Variants in FARS2 observed in about 807,000 individuals in gnomAD.
FARS2 encodes phenylalanine--tRNA ligase, mitochondrial.
Under a neutral mutation model 46.4 loss-of-function variants are expected in FARS2, and 40 were observed. The ratio of observed to expected loss-of-function variants is 0.86; its 90% confidence interval spans 0.67 to 1.12. The LOEUF is 1.12. Among genes scored for constraint, FARS2 ranks in the 50% most tolerant of loss-of-function variants. FARS2 has a pLI of 0.00. For synonymous variants in FARS2, 234 were observed against 214.9 expected (o/e 1.09, Z -0.78); for missense variants, 513 against 567.9 (o/e 0.90, Z 0.98).
At chr6:5,312,321 G>T (rs1343381750) in intron 1 of FARS2, among the ~76,000 whole-genome samples, 2 of 152,168 alleles carry the variant, frequency 1.3e-5, no homozygotes, top group Non-Finnish European at 2.9e-5. Flanking sequence ...TTATGTCTGT[G>T]TAGTATTTTT....
intron 6 of FARS2, among the ~76,000 whole-genome samples, chr6:5,685,052 C>T (rs1757086160): frequency 6.6e-6 from 1 of 152,086 alleles, no homozygotes; most frequent in African/African-American, 2.4e-5. Flanking sequence ...CCCATGGAGG[C>T]TCATGATATC....
At chr6:5,569,919 T>C (rs1047996408) in intron 5 of FARS2, among the ~76,000 whole-genome samples, 3 of 151,610 alleles carry the variant, frequency 2.0e-5, no homozygotes, top group Non-Finnish European at 2.9e-5. Context: ...TTAACAGGGG[T>C]TGGGGAGAGA....
intron 6 of FARS2, among the ~76,000 whole-genome samples, chr6:5,618,948 C>T (rs1402519742): frequency 6.6e-6 from 1 of 152,230 alleles, no homozygotes; most frequent in Non-Finnish European, 1.5e-5. Context: ...CCCTCCATCA[C>T]ATTTGTAATA....
chr6:5,543,391 T>TTTC (rs1478034092), intron 4 of FARS2, among the ~76,000 whole-genome samples: 2 of 151,646 alleles, frequency 1.3e-5, no homozygotes, highest in East Asian at 3.9e-4. Flanking sequence ...TTTTTTTTTT[T>TTTC]TCTCACTCTG....
chr6:5,449,962 C>T (rs551727338), intron 4 of FARS2, among the ~76,000 whole-genome samples: 6 of 152,342 alleles, frequency 3.9e-5, no homozygotes, highest in African/African-American at 1.4e-4. Context: ...TCTGCACATA[C>T]TCAAGTCCTG....
At chr6:5,768,401 A>C (rs1762857704) in intron 6 of FARS2, among the ~76,000 whole-genome samples, 1 of 152,206 alleles carries the variant, frequency 6.6e-6, no homozygotes, top group South Asian at 2.1e-4. Context: ...TTTTCTGAGC[A>C]CATAGAAATA....
chr6:5,547,624 C>G (rs1465401703), intron 5 of FARS2, among the ~76,000 whole-genome samples: 1 of 152,202 alleles, frequency 6.6e-6, no homozygotes, highest in Non-Finnish European at 1.5e-5. Flanking sequence ...CATCCACTTA[C>G]CAGCTTCTTC....
At chr6:5,251,401 T>A in the FARS2 span, among the ~76,000 whole-genome samples, 1 of 152,174 alleles carries the variant, frequency 6.6e-6, no homozygotes, top group Non-Finnish European at 1.5e-5. Flanking sequence ...TGGCTCACAG[T>A]TCTGCAGGCT....
chr6:5,381,731 A>G (rs1455183273), intron 2 of FARS2, among the ~76,000 whole-genome samples: 4 of 152,224 alleles, frequency 2.6e-5, no homozygotes, highest in African/African-American at 7.2e-5. Context: ...AGTTAGCTAT[A>G]GGAAGGCAGA....
At chr6:5,619,423 G>C (rs1356715219) in intron 6 of FARS2, among the ~76,000 whole-genome samples, 1 of 152,140 alleles carries the variant, frequency 6.6e-6, no homozygotes, top group African/African-American at 2.4e-5. Context: ...TCCGGGGACT[G>C]CTGGCCTGCC....
At chr6:5,549,606 C>A (rs374997166) in intron 5 of FARS2, among the ~76,000 whole-genome samples, 1 of 152,120 alleles carries the variant, frequency 6.6e-6, no homozygotes, top group Admixed American at 6.6e-5. Context: ...TTGTATCAAG[C>A]CTTGCTGGGT....
chr6:5,470,083 A>G (rs1231472242), intron 4 of FARS2, among the ~76,000 whole-genome samples: 1 of 152,236 alleles, frequency 6.6e-6, no homozygotes, highest in Admixed American at 6.5e-5. Flanking sequence ...CTATTTTATT[A>G]TTAATATTAT....
intron 5 of FARS2, among the ~76,000 whole-genome samples, chr6:5,556,993 C>G (rs940285185): frequency 1.3e-5 from 2 of 152,116 alleles, no homozygotes; most frequent in African/African-American, 4.8e-5. Flanking sequence ...TGCACAGAAT[C>G]ACCTAAACTG....
At chr6:5,338,879 A>G (rs539228877) in intron 1 of FARS2, among the ~76,000 whole-genome samples, 4 of 152,232 alleles carry the variant, frequency 2.6e-5, no homozygotes, top group African/African-American at 4.8e-5. Context: ...ATTTTCCTGT[A>G]CAGTCCCCAG....
chr6:5,468,899 T>A (rs1056309644), intron 4 of FARS2, among the ~76,000 whole-genome samples: 1 of 152,206 alleles, frequency 6.6e-6, no homozygotes, highest in African/African-American at 2.4e-5. Flanking sequence ...GTTTAAGGAT[T>A]TCCGTATCTG....
chr6:5,511,059 ACAGGAGGGAGAAGGAGAGGC>A (rs1436272793), intron 4 of FARS2, among the ~76,000 whole-genome samples: 1 of 152,164 alleles, frequency 6.6e-6, no homozygotes, highest in Non-Finnish European at 1.5e-5. Flanking sequence ...CTCTCAAGAC[ACAGGAGGGAGAAGGAGAGGC>A]CAGATGGCAC....
At chr6:5,498,629 A>G (rs1446395950) in intron 4 of FARS2, among the ~76,000 whole-genome samples, 1 of 151,240 alleles carries the variant, frequency 6.6e-6, no homozygotes, top group Non-Finnish European at 1.5e-5. Flanking sequence ...TTTTGTTTTT[A>G]GTTTACACAA....
intron 1 of FARS2, among the ~76,000 whole-genome samples, chr6:5,353,204 AT>A (rs1319848836): frequency 3.9e-5 from 6 of 152,080 alleles, no homozygotes; most frequent in Non-Finnish European, 7.3e-5. Context: ...TGTGCTATAG[AT>A]TCATCCATGT....
chr6:5,330,247 GAT>G (rs1770705104), intron 1 of FARS2, among the ~76,000 whole-genome samples: 1 of 152,110 alleles, frequency 6.6e-6, no homozygotes. Context: ...TATATATATA[GAT>G]ATTATTATAT....
Sources: allele counts gnomAD v4.1 joint callset (sites outside exome capture counted in the v4.1 genomes callset), GRCh38; gene constraint gnomAD v4.1.1; transcripts MANE v1.5; gene names NCBI Gene and HGNC (gene_info 2026-07-23, HGNC 2026-07-21).